MOSMO: variants seen among roughly 807,000 people sequenced by gnomAD.
MOSMO encodes modulator of smoothened, also known as modulator of smoothened protein.
MOSMO carries 5 observed loss-of-function variants against 18.4 expected under a neutral mutation model. The observed-to-expected ratio is 0.27, with a 90% CI of 0.14 to 0.57. The LOEUF is 0.57. MOSMO is among the 20% of genes least tolerant of loss of function. The pLI is 0.92. For synonymous variants in MOSMO, 82 were observed against 82.3 expected (o/e 1.00, Z 0.02); for missense variants, 138 against 211.8 (o/e 0.65, Z 2.16).
At chr16:22,088,957 A>G (rs570806900), downstream of MOSMO, among the ~76,000 whole-genome samples, 5 of 152,248 alleles carry the variant, frequency 3.3e-5, no homozygotes, top group South Asian at 8.3e-4. Context: ...GCAAACAACC[A>G]TAAAAGGTGG....
intron 1 of MOSMO, among the ~76,000 whole-genome samples, chr16:22,058,942 T>C (rs1453120550): frequency 6.6e-6 from 1 of 152,180 alleles, no homozygotes; most frequent in Non-Finnish European, 1.5e-5. Flanking sequence ...GGGAACAAAC[T>C]TGACAACTCT....
At chr16:22,040,832 G>A (rs1297017067) in intron 1 of MOSMO, among the ~76,000 whole-genome samples, 1 of 152,072 alleles carries the variant, frequency 6.6e-6, no homozygotes, top group East Asian at 1.9e-4. Context: ...AAGACACAAA[G>A]ACACGCCTAT....
chr16:22,089,021 G>A (rs1195940180), downstream of MOSMO, among the ~76,000 whole-genome samples: 1 of 151,294 alleles, frequency 6.6e-6, no homozygotes, highest in African/African-American at 2.4e-5. Context: ...AAAAAAGTAA[G>A]AAAAACCTCC....
intron 1 of MOSMO, among the ~76,000 whole-genome samples, chr16:22,027,132 A>G (rs1254839309): frequency 6.6e-6 from 1 of 152,240 alleles, no homozygotes; most frequent in Non-Finnish European, 1.5e-5. Context: ...ATTAATTTGA[A>G]AAAGTGCTTT....
chr16:22,039,789 C>T (rs933133894), intron 1 of MOSMO, among the ~76,000 whole-genome samples: 5 of 152,152 alleles, frequency 3.3e-5, no homozygotes, highest in African/African-American at 9.7e-5. Context: ...ACAGGCCTTC[C>T]CTAACCACCC....
At chr16:22,076,505 G>T (rs1222810861) in intron 2 of MOSMO, 1 of 152,162 alleles carries the variant, frequency 6.6e-6, no homozygotes, top group Non-Finnish European at 1.5e-5. Context: ...CCACAACAAA[G>T]AATTATCTGG....
intron 1 of MOSMO, among the ~76,000 whole-genome samples, chr16:22,062,444 T>C (rs1478632663): frequency 1.3e-5 from 2 of 152,074 alleles, no homozygotes; most frequent in Non-Finnish European, 2.9e-5. Flanking sequence ...CACCTCAGCC[T>C]CTTGAGTAGC....
chr16:22,045,983 C>G (rs772287469), intron 1 of MOSMO, among the ~76,000 whole-genome samples: 2 of 151,206 alleles, frequency 1.3e-5, no homozygotes, highest in Non-Finnish European at 2.9e-5. Context: ...CCCAGTAACT[C>G]GTCATTTAAC....
downstream of MOSMO, chr16:22,085,875 C>T (rs1357239333): frequency 1.3e-5 from 2 of 152,122 alleles, no homozygotes; most frequent in Non-Finnish European, 2.9e-5. Context: ...AAGGGTTTTA[C>T]AAATCAGCCC....
chr16:22,041,973 A>C (rs1265711846), intron 1 of MOSMO, among the ~76,000 whole-genome samples: 1 of 152,188 alleles, frequency 6.6e-6, no homozygotes, highest in African/African-American at 2.4e-5. Context: ...GGTGTGAGCC[A>C]CTATGCCTAT....
intron 1 of MOSMO, among the ~76,000 whole-genome samples, chr16:22,022,788 A>G (rs1394840617): frequency 6.6e-6 from 1 of 152,200 alleles, no homozygotes; most frequent in East Asian, 1.9e-4. Flanking sequence ...ATATGAAGAT[A>G]CAGTGAGAAT....
Position 22,067,251 on chromosome 16 carries a change from T to C in MOSMO, c.107-8236T>C, listed in dbSNP as rs373240381. ...TGGGACATTATCAGGTATATCAACA[T>C]ACACATAACGGGAATTCCTGAAGAA... On this transcript the variant is annotated intron_variant, in intron 1 of 2. Transcript: ENST00000542527. 3.1e-4 allele frequency among the ~76,000 whole-genome samples: 47 copies of C among 152,052 alleles called. 1 individual carries two copies. The East Asian group carries it at 3.9e-3, about 13-fold the overall frequency.
At chr16:22,008,455 C>T (rs1186079517) in intron 1 of MOSMO, 48 bp downstream of exon 1, 1 of 1,347,962 alleles carries the variant, frequency 7.4e-7, no homozygotes, top group Middle Eastern at 2.5e-4. Flanking sequence ...CTGAGGGCGA[C>T]GCGAGAGAGG....
rs143675062 is a variant in MOSMO, at chr16:22,080,657, A to T, written c.320-39A>T. ...TTTTCATTGTTTTTTGAAATCACCA[A>T]ACCATGTTACTAATGTTGTGTTTTG... is the stretch of plus-strand genomic sequence containing the variant. On this transcript the variant is annotated intron_variant, in intron 2 of 2. Coordinates refer to ENST00000542527, the MANE Select transcript of MOSMO (RefSeq NM_001164579.2). 1.1e-3 allele frequency: 1,469 copies of T among 1,386,466 alleles called. 30 individuals carry two copies. In the East Asian group the frequency reaches 0.03, roughly 28 times the overall value. 85.9% of individuals were successfully genotyped at this position (1,386,466 alleles called of 1,614,324 possible).
intron 1 of MOSMO, among the ~76,000 whole-genome samples, chr16:22,069,570 G>A (rs760089485): frequency 6.6e-6 from 1 of 152,198 alleles, no homozygotes; most frequent in Non-Finnish European, 1.5e-5. Flanking sequence ...CAAAGGAAAT[G>A]TGTTTGAAGA....
intron 1 of MOSMO, among the ~76,000 whole-genome samples, chr16:22,040,749 A>G (rs1213576274): frequency 1.3e-5 from 2 of 152,232 alleles, no homozygotes; most frequent in Admixed American, 1.3e-4. Flanking sequence ...GGGCCTTGGG[A>G]TTTACAACAT....
intron 1 of MOSMO, among the ~76,000 whole-genome samples, chr16:22,044,575 A>G (rs776901473): frequency 3.1e-4 from 47 of 152,172 alleles, no homozygotes; most frequent in Middle Eastern, 6.3e-3. Context: ...TAATTAATGC[A>G]GATATTCTAA....
At chr16:22,058,186 G>A (rs947135179) in intron 1 of MOSMO, among the ~76,000 whole-genome samples, 4 of 152,160 alleles carry the variant, frequency 2.6e-5, no homozygotes, top group African/African-American at 9.7e-5. Flanking sequence ...CCAGCACTTT[G>A]GGAGGCCAAG....
intron 1 of MOSMO, among the ~76,000 whole-genome samples, chr16:22,071,159 A>G (rs949832104): frequency 1.2e-4 from 19 of 152,174 alleles, no homozygotes; most frequent in African/African-American, 4.3e-4. Context: ...GAGGAAGTAG[A>G]GCAAGAGATC....
Sources: gnomAD v4.1 joint callset for allele counts (sites outside exome capture counted in the v4.1 genomes callset) on GRCh38, gnomAD v4.1.1 for gene constraint, MANE v1.5 for transcripts, NCBI Gene and HGNC (gene_info 2026-07-23, HGNC 2026-07-21) for gene names.